TIAM1: variants seen among roughly 807,000 people sequenced by gnomAD.
TIAM1 encodes rho guanine nucleotide exchange factor TIAM1.
TIAM1 carries 65 observed loss-of-function variants against 163.5 expected under a neutral mutation model. The observed-to-expected ratio is 0.40, with a 90% CI of 0.33 to 0.49. The LOEUF (loss-of-function observed/expected upper bound fraction) is 0.49. TIAM1 is among the 20% of genes least tolerant of loss of function. The pLI is 0.77. For synonymous variants in TIAM1, 833 were observed against 810.1 expected (o/e 1.03, Z -0.48); for missense variants, 1,789 against 2,044.7 (o/e 0.87, Z 2.41).
At chr21:31,163,832 T>A (rs370745701) in intron 16 of TIAM1, among the ~76,000 whole-genome samples, 1 of 152,200 alleles carries the variant, frequency 6.6e-6, no homozygotes, top group Non-Finnish European at 1.5e-5. Context: ...TATACAGTTA[T>A]GTGATTTGCT....
chr21:31,474,239 A>G (rs1385003304), intron 1 of TIAM1, among the ~76,000 whole-genome samples: 1 of 152,160 alleles, frequency 6.6e-6, no homozygotes, highest in Non-Finnish European at 1.5e-5. Flanking sequence ...ACATTTCAAC[A>G]TGAGATTTGG....
chr21:31,360,157 G>A (rs1278683357), intron 2 of TIAM1, among the ~76,000 whole-genome samples: 1 of 152,108 alleles, frequency 6.6e-6, no homozygotes, highest in East Asian at 1.9e-4. Flanking sequence ...TTCTCAGCAA[G>A]AACAGATGCC....
intron 1 of TIAM1, among the ~76,000 whole-genome samples, chr21:31,471,751 C>G (rs375302679): frequency 2.3e-4 from 35 of 152,206 alleles, no homozygotes; most frequent in African/African-American, 7.7e-4. Context: ...TGCCTGTAAT[C>G]CCAGCTGCTC....
At chr21:31,236,293 G>T (rs2088750516) in intron 6 of TIAM1, among the ~76,000 whole-genome samples, 1 of 152,246 alleles carries the variant, frequency 6.6e-6, no homozygotes, top group South Asian at 2.1e-4. Flanking sequence ...TATTTGCCTG[G>T]GGCTCCACAT....
chr21:31,227,795 T>C (rs1271323789), intron 6 of TIAM1, among the ~76,000 whole-genome samples: 3 of 152,206 alleles, frequency 2.0e-5, no homozygotes, highest in Non-Finnish European at 4.4e-5. Flanking sequence ...GAGGCTCTCC[T>C]GCATCTAATG....
chr21:31,514,400 G>A (rs566522922), intron 1 of TIAM1, among the ~76,000 whole-genome samples: 4 of 151,970 alleles, frequency 2.6e-5, no homozygotes, highest in South Asian at 2.1e-4. Context: ...GTTCCTAGCT[G>A]GAAAGTTAAA....
At chr21:31,411,685 A>G (rs2077360998) in intron 2 of TIAM1, among the ~76,000 whole-genome samples, 1 of 152,136 alleles carries the variant, frequency 6.6e-6, no homozygotes, top group African/African-American at 2.4e-5. Context: ...CATGTTGGCT[A>G]GGCTAGTCTC....
intron 20 of TIAM1, among the ~76,000 whole-genome samples, chr21:31,143,656 C>T (rs952967848): frequency 2.0e-5 from 3 of 151,640 alleles, no homozygotes; most frequent in Non-Finnish European, 2.9e-5. Context: ...AATGTCTTTC[C>T]ATCCCCAGTG....
chr21:31,402,084 G>A (rs375952477), intron 2 of TIAM1, among the ~76,000 whole-genome samples: 87 of 151,650 alleles, frequency 5.7e-4, no homozygotes, highest in African/African-American at 1.9e-3. Context: ...GTGGTGGTGC[G>A]CACCTGCAAT....
chr21:31,162,283 A>G (rs2083965836), intron 16 of TIAM1, among the ~76,000 whole-genome samples: 1 of 152,236 alleles, frequency 6.6e-6, no homozygotes, highest in African/African-American at 2.4e-5. Context: ...TTAATATGGA[A>G]CAGTGCCTAA....
intron 11 of TIAM1, among the ~76,000 whole-genome samples, chr21:31,206,243 A>G (rs988173729): frequency 6.6e-6 from 1 of 152,208 alleles, no homozygotes; most frequent in Non-Finnish European, 1.5e-5. Context: ...AGCCCTTGTT[A>G]ATCACGGCTG....
At chr21:31,523,684 G>GAGGCCA (rs2147501115) in intron 1 of TIAM1, among the ~76,000 whole-genome samples, 1 of 152,222 alleles carries the variant, frequency 6.6e-6, no homozygotes, top group South Asian at 2.1e-4. Flanking sequence ...AGCACTTTGG[G>GAGGCCA]AGGCCAAGGC....
chr21:31,363,005 C>T (rs1389982650), intron 2 of TIAM1, among the ~76,000 whole-genome samples: 2 of 152,044 alleles, frequency 1.3e-5, no homozygotes, highest in Non-Finnish European at 2.9e-5. Context: ...ATACTTCTTC[C>T]ACCATCCTTA....
At chr21:31,525,753 G>A (rs1020875709) in intron 1 of TIAM1, among the ~76,000 whole-genome samples, 4 of 152,092 alleles carry the variant, frequency 2.6e-5, no homozygotes, top group Non-Finnish European at 4.4e-5. Context: ...GTCATCCGAC[G>A]CCAGGCACGG....
intron 2 of TIAM1, among the ~76,000 whole-genome samples, chr21:31,401,551 C>T (rs1444022359): frequency 4.6e-5 from 7 of 152,166 alleles, no homozygotes; most frequent in Admixed American, 3.9e-4. Flanking sequence ...AGTCTGAGAC[C>T]ACCCATCATA....
chr21:31,466,151 T>C (rs2045524464), intron 1 of TIAM1, among the ~76,000 whole-genome samples: 1 of 152,184 alleles, frequency 6.6e-6, no homozygotes, highest in Non-Finnish European at 1.5e-5. Flanking sequence ...TTATTTAGGA[T>C]TACAACAACA....
intron 2 of TIAM1, among the ~76,000 whole-genome samples, chr21:31,455,008 C>T (rs1020325196): frequency 6.6e-6 from 1 of 152,058 alleles, no homozygotes; most frequent in African/African-American, 2.4e-5. Flanking sequence ...AGTCCAGGCA[C>T]GGTGGCTCAC....
At chr21:31,417,554 C>A (rs1370347274) in intron 2 of TIAM1, among the ~76,000 whole-genome samples, 1 of 152,156 alleles carries the variant, frequency 6.6e-6, no homozygotes, top group Non-Finnish European at 1.5e-5. Context: ...TCAATTATCT[C>A]CCACTGGGTC....
At chr21:31,386,468 C>G (rs2076872760) in intron 2 of TIAM1, among the ~76,000 whole-genome samples, 1 of 152,132 alleles carries the variant, frequency 6.6e-6, no homozygotes, top group African/African-American at 2.4e-5. Context: ...GAAATGCAAC[C>G]ACGTGCAAAG....
Sources: allele counts gnomAD v4.1 joint callset (sites outside exome capture counted in the v4.1 genomes callset), GRCh38; gene constraint gnomAD v4.1.1; transcripts MANE v1.5; gene names NCBI Gene and HGNC (gene_info 2026-07-23, HGNC 2026-07-21).